The following SYS1 variants were observed in gnomAD, a reference collection of about 807,000 sequenced individuals.
The protein encoded by SYS1 is protein SYS1 homolog.
In SYS1, 8 loss-of-function variants were observed where a neutral mutation model predicts 17.8. The ratio of observed to expected loss-of-function variants is 0.45; its 90% CI spans 0.26 to 0.81. The LOEUF (loss-of-function observed/expected upper bound fraction) is 0.81, where lower values mean the gene tolerates loss of function less well. SYS1 is among the 40% of genes least tolerant of loss of function. The pLI, the probability that SYS1 is intolerant of heterozygous loss-of-function variation, is 0.16. For missense variants in SYS1, 161 were observed against 203.9 expected (o/e 0.79, Z 1.28); for synonymous variants, 95 against 90.9 (o/e 1.05, Z -0.26).
rs549101436 is a variant in SYS1, at chr20:45,367,112, C to T, written c.468C>T (p.Val156=). The change falls in exon 4 of 4, where the codon GTC becomes GTT. Residue 156 remains valine (V), a synonymous_variant. Transcript: ENST00000243918. ...IPLNSAPKSN[V] ...TCAACTCAGCCCCTAAATCCAATGT[C>T]TAGAATCAGGCCCTTTGGACATCCT... is the stretch of plus-strand genomic sequence containing the variant. 10 of 1,614,146 alleles carry T rather than the reference C, an allele frequency of 6.2e-6. No homozygotes were observed. The Admixed American group carries it at 1.7e-4, about 27-fold the overall frequency.
chr20:45,364,397 A>G (rs190241173), intron 2 of SYS1, among the ~76,000 whole-genome samples: 1 of 152,070 alleles, frequency 6.6e-6, no homozygotes, highest in Non-Finnish European at 1.5e-5. Context: ...GGTACTTTGT[A>G]AAGTGTAAAG....
upstream of SYS1, among the ~76,000 whole-genome samples, chr20:45,362,309 T>C (rs1223171146): frequency 6.6e-6 from 1 of 152,114 alleles, no homozygotes; most frequent in Non-Finnish European, 1.5e-5. Context: ...ACCGAGTAGG[T>C]GCGAAATCAA....
At chr20:45,363,807 G>A in intron 2 of SYS1, 114 bp downstream of exon 2, 2 of 1,185,312 alleles carry the variant, frequency 1.7e-6, no homozygotes, top group South Asian at 1.6e-5. Flanking sequence ...TGTAGCCCTG[G>A]GAAAGGGATT....
intron 2 of SYS1, 85 bp downstream of exon 2, chr20:45,363,778 C>A: frequency 7.2e-7 from 1 of 1,380,650 alleles, no homozygotes; most frequent in Non-Finnish European, 9.7e-7. Flanking sequence ...GTAGACGTGG[C>A]TGGGTCACCT....
chr20:45,367,574 T>C lies in SYS1; in HGVS notation c.*459T>C. On this transcript the variant is annotated 3_prime_UTR_variant, in exon 4 of 4. Coordinates refer to ENST00000243918, the MANE Select transcript of SYS1 (RefSeq NM_033542.4). The stretch of plus-strand genomic sequence containing the variant: ...GTGTTGCCGAATCACAGCAGTTCTG[T>C]TGGAGAAACGCTTGGTTTCCGGATC... The C allele has an allele frequency of 1.0e-6, 1 of 995,934 alleles. No individual in the cohort carries two copies. 61.7% of individuals were successfully genotyped at this position (995,934 alleles called of 1,614,324 possible).
Position 45,363,516 on chromosome 20 carries a change from C to T in SYS1, c.-3-13C>T, listed in dbSNP as rs764160766. 8.2e-6 allele frequency: 13 copies of T among 1,584,296 alleles called. No homozygotes were observed. In the Admixed American group the frequency reaches 1.2e-4, roughly 15 times the overall value. ...ACAGGCCGCTGGCTGAGGCCCGGCT[C>T]GTGTCCCTGCAGGGCATGGCGGGTC... On this transcript the variant is annotated splice_polypyrimidine_tract_variant and intron_variant, in intron 1 of 3. Coordinates refer to ENST00000243918, the MANE Select transcript of SYS1 (RefSeq NM_033542.4).
In SYS1 at chr20:45,363,649, C is replaced by T. The variant is rs1307062483; in HGVS notation, c.118C>T (p.Leu40=). ...LGLWLALVDG[L]VRSSPSLDQM... ...CCTGTGGCTGGCGCTGGTGGACGGG[C>T]TAGTGCGAAGCAGCCCCTCGCTGGA... Residue 40 remains leucine (L), a synonymous_variant, in exon 2 of 4, where the codon CTA becomes TTA. Transcript: ENST00000243918. 1.3e-6 allele frequency: 2 copies of T among 1,577,342 alleles called. No individual in the cohort carries two copies. The highest frequency in any genetic ancestry group is 1.7e-4 in the Middle Eastern group (1 of 5,968).
downstream of SYS1, chr20:45,373,815 C>T (rs551225584): frequency 2.7e-4 from 345 of 1,261,214 alleles, 3 homozygotes; most frequent in South Asian, 2.2e-3. Flanking sequence ...ACACAGGCTC[C>T]CTCTACCGAA....
In SYS1 at chr20:45,375,319, G is replaced by A. The variant is rs374959663; in HGVS notation, c.*1025G>A. 2.0e-5 allele frequency: 33 copies of A among 1,613,988 alleles called. No homozygotes were observed. In the African/African-American group the frequency reaches 2.3e-4, roughly 11 times the overall value. On this transcript the variant is annotated 3_prime_UTR_variant, in exon 4 of 4. Coordinates refer to the SYS1 transcript ENST00000426004. The stretch of plus-strand genomic sequence containing the variant: ...TCCAGGGTTCAAGCTATCATCCCTC[G>A]ATGTCCTTGGAACCTCAGGCTCTAT...
At chr20:45,370,700 G>C (rs1600751559), downstream of SYS1, among the ~76,000 whole-genome samples, 2 of 152,122 alleles carry the variant, frequency 1.3e-5, no homozygotes, top group South Asian at 2.1e-4. Flanking sequence ...GGTCAGAGTA[G>C]CTTCCTTCTG....
rs767236450 is a variant in SYS1 at position 45,367,673 on chromosome 20, A to G, written c.*558A>G. ...GGAGAGGATGGCAGATGGAGGCATC[A>G]AGCACAAGGAAAATGCACAACCTGT... On this transcript the variant is annotated 3_prime_UTR_variant, in exon 4 of 4. Transcript: ENST00000243918. The G allele has an allele frequency of 4.2e-5, 42 of 990,922 alleles. No homozygotes were observed. The highest frequency in any genetic ancestry group is 4.8e-5 in the Non-Finnish European group (40 of 832,938). The allele number at this position is 990,922 out of a possible 1,614,324, so 61.4% of individuals were successfully genotyped here.
chr20:45,367,504 C>G lies in SYS1; in HGVS notation c.*389C>G. The G allele has an allele frequency of 9.7e-7, 1 of 1,028,298 alleles. No individual in the cohort carries two copies. Among genetic ancestry groups the G allele is most frequent in the South Asian group, 3.6e-5 (1 of 27,862 alleles). 63.7% of individuals were successfully genotyped at this position (1,028,298 alleles called of 1,614,324 possible). A position where few individuals can be genotyped will look rare whatever the true frequency, so the allele number is the denominator to read the frequency against. On this transcript the variant is annotated 3_prime_UTR_variant, in exon 4 of 4. Coordinates refer to ENST00000243918, the MANE Select transcript of SYS1 (RefSeq NM_033542.4). ...CATCTGTCTTACCCCCCTGGGACAGCTGTTACCTTTGCAGTGTTGCCGAAT... is the reference window on the plus strand; with the variant it reads ...CATCTGTCTTACCCCCCTGGGACAGGTGTTACCTTTGCAGTGTTGCCGAAT...
At chr20:45,370,190 G>A (rs934156632), downstream of SYS1, among the ~76,000 whole-genome samples, 2 of 152,202 alleles carry the variant, frequency 1.3e-5, no homozygotes, top group Non-Finnish European at 2.9e-5. Flanking sequence ...GCCTCCCAAA[G>A]TGCTGGGATT....
In SYS1 at chr20:45,367,557, G is replaced by A. The variant is rs142795544; in HGVS notation, c.*442G>A. On this transcript the variant is annotated 3_prime_UTR_variant, in exon 4 of 4. Transcript: ENST00000243918. Reference sequence around the variant, plus strand: ...CAGCAGTTACCTTTGCAGTGTTGCCGAATCACAGCAGTTCTGTTGGAGAAA... The same window carrying A: ...CAGCAGTTACCTTTGCAGTGTTGCCAAATCACAGCAGTTCTGTTGGAGAAA... 4.9e-5 allele frequency: 49 copies of A among 996,034 alleles called. No homozygotes were observed. In the South Asian group the frequency reaches 5.7e-4, roughly 12 times the overall value. The allele number at this position is 996,034 out of a possible 1,614,324, so 61.7% of individuals were successfully genotyped here. A position where few individuals can be genotyped will look rare whatever the true frequency, so the allele number is the denominator to read the frequency against.
downstream of SYS1, chr20:45,373,865 G>A: frequency 6.4e-7 from 1 of 1,565,330 alleles, no homozygotes; most frequent in Non-Finnish European, 8.8e-7. Flanking sequence ...AGACAAACAG[G>A]CAGAGTAAGC....
At chr20:45,370,761 G>T (rs903635051), downstream of SYS1, among the ~76,000 whole-genome samples, 3 of 152,094 alleles carry the variant, frequency 2.0e-5, no homozygotes, top group Non-Finnish European at 4.4e-5. Flanking sequence ...TCCTTGTACC[G>T]GCAGCCCAGG....
rs1988669392 is a variant in SYS1, at chr20:45,374,739, G to T, written c.*445G>T. ...TGTAGGCCTCTGACTGTGAGATTCA[G>T]AGCCACAGCAGTTTCCACCTCTGCT... On this transcript the variant is annotated 3_prime_UTR_variant, in exon 4 of 4. Coordinates refer to the SYS1 transcript ENST00000426004. 11 of 463,382 alleles carry T rather than the reference G, an allele frequency of 2.4e-5. No homozygotes were observed. In the East Asian group the frequency reaches 3.9e-4, roughly 16 times the overall value. 28.7% of individuals were successfully genotyped at this position (463,382 alleles called of 1,614,324 possible). A position where few individuals can be genotyped will look rare whatever the true frequency, so the allele number is the denominator to read the frequency against.
In SYS1 at chr20:45,375,137, T is replaced by G. The variant is rs751597554; in HGVS notation, c.*843T>G. The G allele has an allele frequency of 1.9e-6, 3 of 1,614,030 alleles. No homozygotes were observed. In the African/African-American group the frequency reaches 4.0e-5, roughly 22 times the overall value. On this transcript the variant is annotated 3_prime_UTR_variant, in exon 4 of 4. Transcript: ENST00000426004. ...AGGGTGGAGGATCTGCACATCACCC[T>G]GGGCGCCGGGAGGTGGATTCGTGTG... is the stretch of plus-strand genomic sequence containing the variant.
At chr20:45,363,990 G>A (rs1462635267) in intron 2 of SYS1, among the ~76,000 whole-genome samples, 1 of 152,176 alleles carries the variant, frequency 6.6e-6, no homozygotes. Flanking sequence ...CTCTGAGCTA[G>A]GTTCTCAGGT....
Sources: gnomAD v4.1 joint callset for allele counts (sites outside exome capture counted in the v4.1 genomes callset) on GRCh38, gnomAD v4.1.1 for gene constraint, MANE v1.5 for transcripts, NCBI Gene and HGNC (gene_info 2026-07-23, HGNC 2026-07-21) for gene names.